TAFA1: variants seen among roughly 807,000 people sequenced by gnomAD.
The protein encoded by TAFA1 is chemokine-like protein TAFA-1.
In TAFA1, 4 loss-of-function variants were observed where a neutral mutation model predicts 18.5. That is an observed-to-expected ratio of 0.22 (90% CI 0.11 to 0.49). The LOEUF is 0.49. Ranked by LOEUF, TAFA1 falls within the 20% of genes least tolerant of loss-of-function variation. The pLI is 0.98. For synonymous variants in TAFA1, 56 were observed against 55.2 expected (o/e 1.01, Z -0.06); for missense variants, 147 against 169.0 (o/e 0.87, Z 0.72).
chr3:68,329,009 G>T (rs2068818686), intron 2 of TAFA1, among the ~76,000 whole-genome samples: 1 of 151,502 alleles, frequency 6.6e-6, no homozygotes, highest in South Asian at 2.1e-4. Context: ...ATGTTACTAA[G>T]CACTGTGATT....
intron 2 of TAFA1, among the ~76,000 whole-genome samples, chr3:68,017,533 T>C (rs1387860259): frequency 2.0e-5 from 3 of 152,210 alleles, no homozygotes; most frequent in African/African-American, 2.4e-5. Context: ...TTGAGAGTCA[T>C]TGACCATCCC....
At chr3:68,530,227 C>T (rs1290512330) in intron 3 of TAFA1, among the ~76,000 whole-genome samples, 2 of 152,184 alleles carry the variant, frequency 1.3e-5, no homozygotes, top group Non-Finnish European at 2.9e-5. Flanking sequence ...TTATTGTTTT[C>T]ATTAAGCCCA....
intron 2 of TAFA1, among the ~76,000 whole-genome samples, chr3:68,041,063 G>GATTATTA (rs1705154143): frequency 6.6e-6 from 1 of 151,948 alleles, no homozygotes; most frequent in African/African-American, 2.4e-5. Context: ...AAAGATTATT[G>GATTATTA]CAAATGTACA....
chr3:68,359,308 A>G (rs1474942575), intron 2 of TAFA1, among the ~76,000 whole-genome samples: 4 of 152,032 alleles, frequency 2.6e-5, no homozygotes, highest in Non-Finnish European at 2.9e-5. Context: ...CCCGCCAATG[A>G]TACCCCCACA....
chr3:68,484,392 G>A (rs575633162), intron 3 of TAFA1, among the ~76,000 whole-genome samples: 9 of 152,248 alleles, frequency 5.9e-5, no homozygotes, highest in Non-Finnish European at 7.4e-5. Flanking sequence ...CTATTGCAGC[G>A]GTCTAGGTGA....
At chr3:68,075,393 G>A (rs1160387973) in intron 2 of TAFA1, among the ~76,000 whole-genome samples, 1 of 152,152 alleles carries the variant, frequency 6.6e-6, no homozygotes, top group Non-Finnish European at 1.5e-5. Context: ...TGTGATAAGA[G>A]TATTGAAAAC....
chr3:68,378,754 G>A (rs572901905), intron 2 of TAFA1, among the ~76,000 whole-genome samples: 8 of 152,170 alleles, frequency 5.3e-5, no homozygotes, highest in East Asian at 1.9e-4. Flanking sequence ...AGAGGTTTTC[G>A]CCATGCTGTT....
intron 2 of TAFA1, among the ~76,000 whole-genome samples, chr3:68,213,110 T>C (rs936794038): frequency 6.6e-6 from 1 of 151,952 alleles, no homozygotes. Context: ...CAGAAGTCAG[T>C]AGTTGATTCT....
rs151335117 is a variant in TAFA1, at chr3:68,276,649, A to G, written c.119-140631A>G. 4.1e-3 allele frequency among the ~76,000 whole-genome samples: 629 copies of G among 152,308 alleles called. 6 individuals carry two copies. The highest frequency in any genetic ancestry group is 0.015 in the African/African-American group (612 of 41,580). ...AATGGTTTCTGATGAGACATCCATC[A>G]ATGTAAAAGAAACCAGTTTCTTCTA... On this transcript the variant is annotated intron_variant, in intron 2 of 4. Coordinates refer to ENST00000478136, the MANE Select transcript of TAFA1 (RefSeq NM_213609.4).
chr3:68,117,056 A>G (rs1472685980), intron 2 of TAFA1, among the ~76,000 whole-genome samples: 2 of 152,228 alleles, frequency 1.3e-5, no homozygotes, highest in Non-Finnish European at 2.9e-5. Context: ...TGCTGAATGA[A>G]TGAAATAATC....
At chr3:68,393,866 A>C (rs1045560209) in intron 2 of TAFA1, among the ~76,000 whole-genome samples, 10 of 152,162 alleles carry the variant, frequency 6.6e-5, no homozygotes, top group Admixed American at 1.3e-4. Context: ...ATGTATCTCA[A>C]AATAATAAGA....
At chr3:68,090,344 A>G (rs904367151) in intron 2 of TAFA1, among the ~76,000 whole-genome samples, 2 of 152,198 alleles carry the variant, frequency 1.3e-5, no homozygotes, top group South Asian at 2.1e-4. Context: ...TAATGGTACC[A>G]TCCTGTAAAA....
At chr3:68,036,436 CAAAAAA>C (rs10566431) in intron 2 of TAFA1, among the ~76,000 whole-genome samples, 2 of 98,680 alleles carry the variant, frequency 2.0e-5, no homozygotes, top group African/African-American at 3.9e-5. Context: ...GAGACTCTGT[CAAAAAA>C]AAAAAAAAAA....
chr3:68,230,026 A>C (rs1312404023), intron 2 of TAFA1, among the ~76,000 whole-genome samples: 1 of 152,158 alleles, frequency 6.6e-6, no homozygotes, highest in Admixed American at 6.5e-5. Flanking sequence ...GGTACATGGG[A>C]TATTTTAGCA....
chr3:68,422,775 G>A (rs1385677114), intron 3 of TAFA1, among the ~76,000 whole-genome samples: 2 of 152,024 alleles, frequency 1.3e-5, no homozygotes, highest in Non-Finnish European at 2.9e-5. Flanking sequence ...ACTTATAAAA[G>A]CATTATATCC....
intron 3 of TAFA1, among the ~76,000 whole-genome samples, chr3:68,527,951 G>A (rs769920204): frequency 8.9e-4 from 136 of 152,106 alleles, no homozygotes; most frequent in Non-Finnish European, 1.1e-3. Context: ...AATTTGTAGA[G>A]GGAATGCAAT....
At chr3:68,230,286 C>G (rs1384677858) in intron 2 of TAFA1, among the ~76,000 whole-genome samples, 1 of 151,750 alleles carries the variant, frequency 6.6e-6, no homozygotes, top group African/African-American at 2.4e-5. Flanking sequence ...ATGAACCTTC[C>G]CTGACTCTGA....
intron 2 of TAFA1, among the ~76,000 whole-genome samples, chr3:68,234,800 C>G (rs2066909587): frequency 6.6e-6 from 1 of 152,206 alleles, no homozygotes; most frequent in South Asian, 2.1e-4. Context: ...TAGATTTCCT[C>G]TGATTACAAA....
At chr3:68,018,396 G>C (rs1704611664) in intron 2 of TAFA1, among the ~76,000 whole-genome samples, 1 of 152,178 alleles carries the variant, frequency 6.6e-6, no homozygotes, top group Non-Finnish European at 1.5e-5. Context: ...CAAACATCTG[G>C]TTATTGTATT....
Sources: gnomAD v4.1 joint callset for allele counts (sites outside exome capture counted in the v4.1 genomes callset) on GRCh38, gnomAD v4.1.1 for gene constraint, MANE v1.5 for transcripts, NCBI Gene and HGNC (gene_info 2026-07-23, HGNC 2026-07-21) for gene names.